The following ITIH5 variants were observed in gnomAD, a reference collection of about 807,000 sequenced individuals.
ITIH5 encodes the protein inter-alpha-trypsin inhibitor heavy chain 5.
Under a neutral mutation model 77.5 loss-of-function variants are expected in ITIH5, and 65 were observed. The ratio of observed to expected loss-of-function variants is 0.84; its 90% confidence interval spans 0.69 to 1.03. ITIH5 has a LOEUF of 1.03. ITIH5 is among the 50% of genes least tolerant of loss of function. The pLI is 0.00. For synonymous variants in ITIH5, 525 were observed against 494.3 expected (o/e 1.06, Z -0.82); for missense variants, 1,208 against 1,213.1 (o/e 1.00, Z 0.06).
intron 7 of ITIH5, chr10:7,609,296 G>T: frequency 2.6e-6 from 1 of 383,928 alleles, no homozygotes; most frequent in South Asian, 2.0e-5. Flanking sequence ...TACATTTATT[G>T]TTTGTGGGCT....
chr10:7,584,856 T>A (rs531751838), intron 8 of ITIH5, among the ~76,000 whole-genome samples: 1 of 152,296 alleles, frequency 6.6e-6, no homozygotes, highest in African/African-American at 2.4e-5. Flanking sequence ...AATCTAATCT[T>A]CTATTTCTCC....
intron 7 of ITIH5, among the ~76,000 whole-genome samples, chr10:7,591,343 T>C (rs927970343): frequency 6.6e-6 from 1 of 152,230 alleles, no homozygotes; most frequent in Non-Finnish European, 1.5e-5. Flanking sequence ...CCCTGCTTTC[T>C]CGTGACTTCC....
At position 7,644,365 on chromosome 10, in the gene ITIH5, A is replaced by T. The variant is rs905941313; in HGVS notation, c.136-2275T>A. Among the ~76,000 whole-genome samples the T allele has an allele frequency of 2.0e-5, 3 of 146,822 alleles. No individual in the cohort carries two copies. In the South Asian group the frequency reaches 6.3e-4, roughly 31 times the overall value. On this transcript the variant is annotated intron_variant, in intron 2 of 13. Coordinates refer to ENST00000397146, the MANE Select transcript of ITIH5 (RefSeq NM_030569.7). ...CATATATCACATATATATCATATATATCACATATATATCACATATATCACA... is the reference window on the plus strand; with the variant it reads ...CATATATCACATATATATCATATATTTCACATATATATCACATATATCACA...
chr10:7,612,140 C>T (rs920143573), intron 7 of ITIH5, among the ~76,000 whole-genome samples: 9 of 152,066 alleles, frequency 5.9e-5, no homozygotes, highest in African/African-American at 1.4e-4. Flanking sequence ...ACAGGGCATG[C>T]GTCAGGCATT....
At position 7,637,289 on chromosome 10, in the gene ITIH5, G is replaced by T; in HGVS notation, c.591C>A (p.Ile197=). Residue 197 remains isoleucine, a synonymous_variant, in exon 5 of 14, where the codon ATC becomes ATA. Coordinates refer to ENST00000397146, the MANE Select transcript of ITIH5 (RefSeq NM_030569.7). ...GAAGCGGCAGCACCTCCAGGGATGC[G>T]ATGCCCGCGCTCTCCAGGATATTCA... ...VDVNILESAG[I]ASLEVLPLHN... 9 of 1,612,684 alleles carry T rather than the reference G, an allele frequency of 5.6e-6. No individual in the cohort carries two copies. Among genetic ancestry groups the T allele is most frequent in the Non-Finnish European group, 7.6e-6 (9 of 1,180,018 alleles).
rs1485951945 is a variant in ITIH5, at chr10:7,562,490, A to G, written c.*593T>C. ...TTTAAGGGCAAGATACCACAGCAGA[A>G]GAAAAACGTCTTGCAAGAAAAGACT... On this transcript the variant is annotated 3_prime_UTR_variant, in exon 14 of 14. Transcript: ENST00000397146. 6.5e-6 allele frequency: 1 copy of G among 152,770 alleles called. No homozygotes were observed. The highest frequency in any genetic ancestry group is 1.5e-5 in the Non-Finnish European group (1 of 68,444). The allele number at this position is 152,770 out of a possible 1,614,324, so 9.5% of individuals were successfully genotyped here. A position where few individuals can be genotyped will look rare whatever the true frequency, so the allele number is the denominator to read the frequency against.
intron 2 of ITIH5, among the ~76,000 whole-genome samples, chr10:7,643,839 T>G (rs1302184192): frequency 1.3e-5 from 2 of 152,214 alleles, no homozygotes; most frequent in African/African-American, 4.8e-5. Flanking sequence ...GTTATTCTAT[T>G]TAAACAAATA....
intron 5 of ITIH5, chr10:7,617,511 C>G: frequency 2.9e-6 from 1 of 348,412 alleles, no homozygotes; most frequent in Non-Finnish European, 5.0e-6. Context: ...TTAAAACACA[C>G]AAAAGTAGAG....
At position 7,573,231 on chromosome 10, in the gene ITIH5, C is replaced by A. The variant is rs775121076; in HGVS notation, c.1979-36G>T. The A allele has an allele frequency of 2.5e-6, 4 of 1,581,508 alleles. No individual in the cohort carries two copies. The Admixed American group carries it at 6.7e-5, about 26-fold the overall frequency. ...GAAGGAAGAGAACATCATGGTCATTCCTTAAAGAAGATGAAGAGAGAGGTG... is the reference window on the plus strand; with the variant it reads ...GAAGGAAGAGAACATCATGGTCATTACTTAAAGAAGATGAAGAGAGAGGTG... On this transcript the variant is annotated intron_variant, in intron 10 of 13. Transcript: ENST00000397146.
chr10:7,591,497 C>T (rs768397258), intron 7 of ITIH5, among the ~76,000 whole-genome samples: 17 of 152,284 alleles, frequency 1.1e-4, no homozygotes, highest in East Asian at 3.9e-4. Context: ...GCTCCATCCC[C>T]GATGCTGCAC....
intron 4 of ITIH5, among the ~76,000 whole-genome samples, chr10:7,638,197 A>G (rs1269980951): frequency 2.6e-5 from 4 of 152,216 alleles, no homozygotes; most frequent in African/African-American, 9.7e-5. Flanking sequence ...AATCAGAGAG[A>G]GTGCAGGCTC....
At chr10:7,640,347 C>T (rs1323465183) in intron 4 of ITIH5, among the ~76,000 whole-genome samples, 1 of 151,612 alleles carries the variant, frequency 6.6e-6, no homozygotes, top group Non-Finnish European at 1.5e-5. Flanking sequence ...TGTGGTGGTG[C>T]ACACCTGTAA....
chr10:7,642,569 A>G (rs1833907693), intron 2 of ITIH5, among the ~76,000 whole-genome samples: 1 of 152,226 alleles, frequency 6.6e-6, no homozygotes, highest in East Asian at 1.9e-4. Flanking sequence ...ACGATACACC[A>G]GAGCTTCCCT....
At chr10:7,564,137 T>C (rs1832094187) in intron 13 of ITIH5, among the ~76,000 whole-genome samples, 1 of 152,254 alleles carries the variant, frequency 6.6e-6, no homozygotes, top group South Asian at 2.1e-4. Flanking sequence ...CGTGTCTGTG[T>C]ATTCTTGCTG....
chr10:7,628,855 C>CTGTTGTAGCGTGTATCCA (rs1833642420), intron 5 of ITIH5, among the ~76,000 whole-genome samples: 1 of 73,340 alleles, frequency 1.4e-5, no homozygotes, highest in African/African-American at 4.3e-5. Flanking sequence ...GCGTGTGTCC[C>CTGTTGTAGCGTGTATCCA]TGTTGTAGCG....
intron 2 of ITIH5, among the ~76,000 whole-genome samples, chr10:7,648,976 T>C (rs948573342): frequency 2.6e-5 from 4 of 152,206 alleles, no homozygotes; most frequent in Non-Finnish European, 4.4e-5. Flanking sequence ...CAGGAGCCCC[T>C]GCTCTTACTG....
chr10:7,595,677 T>C (rs1163713599), intron 7 of ITIH5, among the ~76,000 whole-genome samples: 1 of 152,248 alleles, frequency 6.6e-6, no homozygotes, highest in African/African-American at 2.4e-5. Flanking sequence ...AATTTCTTTC[T>C]ATTTAAATTC....
chr10:7,591,772 A>T (rs1832797917), intron 7 of ITIH5, among the ~76,000 whole-genome samples: 1 of 152,162 alleles, frequency 6.6e-6, no homozygotes, highest in Non-Finnish European at 1.5e-5. Flanking sequence ...TCACGTTGAT[A>T]TACAGAACAT....
intron 10 of ITIH5, among the ~76,000 whole-genome samples, chr10:7,576,165 C>T (rs1241385395): frequency 6.6e-6 from 1 of 152,096 alleles, no homozygotes; most frequent in Non-Finnish European, 1.5e-5. Context: ...GCTGAGACTA[C>T]AGGCATTCCA....
Sources: allele counts gnomAD v4.1 joint callset (sites outside exome capture counted in the v4.1 genomes callset), GRCh38; gene constraint gnomAD v4.1.1; transcripts MANE v1.5; gene names NCBI Gene and HGNC (gene_info 2026-07-23, HGNC 2026-07-21).